The following HLCS variants were observed in gnomAD, a reference collection of about 807,000 sequenced individuals.
HLCS encodes biotin--protein ligase.
Under a neutral mutation model 75.0 loss-of-function variants are expected in HLCS, and 53 were observed. The observed-to-expected ratio is 0.71, with a 90% confidence interval of 0.57 to 0.89. The LOEUF is 0.89. Among genes scored for constraint, HLCS ranks in the 40% least tolerant of loss-of-function variants. HLCS has a pLI of 0.00. For synonymous variants in HLCS, 431 were observed against 428.6 expected (o/e 1.01, Z -0.07); for missense variants, 966 against 1,074.0 (o/e 0.90, Z 1.41).
intron 6 of HLCS, among the ~76,000 whole-genome samples, chr21:36,790,158 C>T (rs1303306531): frequency 6.6e-6 from 1 of 152,158 alleles, no homozygotes; most frequent in African/African-American, 2.4e-5. Context: ...ATAATCCCAG[C>T]ACTTTGGGAG....
At chr21:36,931,751 G>GA (rs924778093) in intron 4 of HLCS, among the ~76,000 whole-genome samples, 5 of 137,446 alleles carry the variant, frequency 3.6e-5, no homozygotes, top group Admixed American at 6.8e-5. Context: ...CATTTAAAAA[G>GA]AAAAAAAAAA....
intron 6 of HLCS, among the ~76,000 whole-genome samples, chr21:36,891,976 G>C (rs1382450294): frequency 6.6e-6 from 1 of 152,146 alleles, no homozygotes; most frequent in African/African-American, 2.4e-5. Context: ...CTATTAAATT[G>C]GGAGGGAAAG....
intron 6 of HLCS, among the ~76,000 whole-genome samples, chr21:36,895,140 G>A (rs991019462): frequency 5.3e-5 from 8 of 152,054 alleles, no homozygotes; most frequent in Admixed American, 1.3e-4. Flanking sequence ...GCAATGACAC[G>A]AAATATTCTT....
chr21:36,838,708 GAA>G (rs55987643), intron 6 of HLCS, among the ~76,000 whole-genome samples: 60 of 107,558 alleles, frequency 5.6e-4, no homozygotes, highest in African/African-American at 6.0e-4. Flanking sequence ...CGTCTCAAAA[GAA>G]AAAAAAAAAA....
chr21:36,825,343 A>G (rs970015097), intron 6 of HLCS, among the ~76,000 whole-genome samples: 2 of 152,124 alleles, frequency 1.3e-5, no homozygotes, highest in Non-Finnish European at 2.9e-5. Flanking sequence ...AGTCAAGATC[A>G]CACCACTGCA....
chr21:36,892,601 AGAGGT>A (rs1225545735), intron 6 of HLCS, among the ~76,000 whole-genome samples: 4 of 152,188 alleles, frequency 2.6e-5, no homozygotes, highest in African/African-American at 9.6e-5. Context: ...TCCTTGAGGA[AGAGGT>A]GAGAGTTTTC....
intron 6 of HLCS, among the ~76,000 whole-genome samples, chr21:36,803,722 G>GTGCTT (rs2061279557): frequency 6.8e-6 from 1 of 146,952 alleles, no homozygotes; most frequent in African/African-American, 2.5e-5. Context: ...AACTTCCAAA[G>GTGCTT]TGTTTTGTTT....
At chr21:36,897,444 T>C (rs1846667815) in intron 5 of HLCS, among the ~76,000 whole-genome samples, 4 of 152,204 alleles carry the variant, frequency 2.6e-5, no homozygotes, top group Admixed American at 2.6e-4. Flanking sequence ...CCAGAGTTCA[T>C]AAGTAGTTCT....
rs1370319031 is a variant in HLCS at position 36,755,175 on chromosome 21, T to C, written c.2451-758A>G. Reference sequence around the variant, plus strand: ...ACTTTGGGAGGCCAAGGTGGGAGGATTGCTTGAGGCCAGGAGTTCAAGACC... The same window carrying C: ...ACTTTGGGAGGCCAAGGTGGGAGGACTGCTTGAGGCCAGGAGTTCAAGACC... On this transcript the variant is annotated intron_variant, in intron 10 of 10. Coordinates refer to ENST00000674895, the MANE Select transcript of HLCS (RefSeq NM_001352514.2). 2.6e-5 allele frequency among the ~76,000 whole-genome samples: 4 copies of C among 152,138 alleles called. 1 individual carries two copies. Among genetic ancestry groups the C allele is most frequent in the South Asian group, 4.2e-4 (2 of 4,808 alleles).
intron 4 of HLCS, among the ~76,000 whole-genome samples, chr21:36,931,551 A>C (rs181782955): frequency 6.6e-5 from 10 of 152,140 alleles, no homozygotes; most frequent in Admixed American, 5.2e-4. Flanking sequence ...GGAGTTTCAG[A>C]CCAGCCTGGA....
chr21:36,812,706 G>T (rs553329800), intron 6 of HLCS, among the ~76,000 whole-genome samples: 3 of 151,986 alleles, frequency 2.0e-5, no homozygotes, highest in Non-Finnish European at 4.4e-5. Context: ...CCAATATACA[G>T]AAAAAATAGA....
rs916191973 is a variant in HLCS at position 36,750,409 on chromosome 21, T to C, written c.*3837A>G. On this transcript the variant is annotated 3_prime_UTR_variant, in exon 11 of 11. Transcript: ENST00000674895. Reference sequence around the variant, plus strand: ...AAAAGCCATTCCATTCATACCTTTGTAGAGCAGTGGGCTGGGTGTGGAGGG... The same window carrying C: ...AAAAGCCATTCCATTCATACCTTTGCAGAGCAGTGGGCTGGGTGTGGAGGG... 6.6e-6 allele frequency among the ~76,000 whole-genome samples: 1 copy of C among 152,192 alleles called. No homozygotes were observed. Among genetic ancestry groups the C allele is most frequent in the African/African-American group, 2.4e-5 (1 of 41,442 alleles).
intron 6 of HLCS, among the ~76,000 whole-genome samples, chr21:36,857,904 C>G (rs2063252185): frequency 6.6e-6 from 1 of 152,076 alleles, no homozygotes. Flanking sequence ...ATTCTCCTGC[C>G]TCAGCCTCCC....
intron 6 of HLCS, among the ~76,000 whole-genome samples, chr21:36,851,238 T>C (rs1395216381): frequency 1.3e-5 from 2 of 152,214 alleles, no homozygotes; most frequent in Non-Finnish European, 2.9e-5. Flanking sequence ...CCCATGTTTA[T>C]TGCAGCCTAT....
intron 6 of HLCS, among the ~76,000 whole-genome samples, chr21:36,845,141 A>G (rs1446655763): frequency 6.6e-6 from 1 of 152,034 alleles, no homozygotes; most frequent in Non-Finnish European, 1.5e-5. Flanking sequence ...ATTCTTCTTA[A>G]ATGGAAGAAA....
intron 5 of HLCS, among the ~76,000 whole-genome samples, chr21:36,899,302 T>C (rs146913255): frequency 0.01 from 1,589 of 152,026 alleles, 31 homozygotes; most frequent in African/African-American, 0.036. Context: ...TAAAAAAAAG[T>C]GGTGAAATAA....
intron 6 of HLCS, among the ~76,000 whole-genome samples, chr21:36,818,593 T>C (rs1049392867): frequency 6.6e-6 from 1 of 152,146 alleles, no homozygotes; most frequent in Non-Finnish European, 1.5e-5. Flanking sequence ...CGAGCTTAAA[T>C]AGCGTTATTA....
In HLCS at chr21:36,882,022, C is replaced by T. The variant is rs151269357; in HGVS notation, c.1892+14838G>A. 8.6e-5 allele frequency among the ~76,000 whole-genome samples: 13 copies of T among 151,854 alleles called. No homozygotes were observed. The East Asian group carries it at 2.5e-3, about 30-fold the overall frequency. On this transcript the variant is annotated intron_variant, in intron 6 of 10. Coordinates refer to ENST00000674895, the MANE Select transcript of HLCS (RefSeq NM_001352514.2). Reference sequence around the variant, plus strand: ...CGTCGGCCGGGCATGGTGGCTCACGCCTGTAATCCCAGCATTTTGGGAGGC... The same window carrying T: ...CGTCGGCCGGGCATGGTGGCTCACGTCTGTAATCCCAGCATTTTGGGAGGC...
chr21:36,797,913 G>A (rs1017573987), intron 6 of HLCS, among the ~76,000 whole-genome samples: 35 of 152,290 alleles, frequency 2.3e-4, no homozygotes, highest in African/African-American at 7.5e-4. Flanking sequence ...GTAGGCTTAC[G>A]TTCTGGCAGG....
Sources: allele counts gnomAD v4.1 joint callset (sites outside exome capture counted in the v4.1 genomes callset), GRCh38; gene constraint gnomAD v4.1.1; transcripts MANE v1.5; gene names NCBI Gene and HGNC (gene_info 2026-07-23, HGNC 2026-07-21).